Variants in ROBO2 observed in about 807,000 individuals in gnomAD.
ROBO2 encodes the protein roundabout homolog 2.
ROBO2 carries 53 observed loss-of-function variants against 160.8 expected under a neutral mutation model. That is an observed-to-expected ratio of 0.33 (90% CI 0.26 to 0.41). ROBO2 has a LOEUF of 0.41. ROBO2 is among the 10% of genes least tolerant of loss of function. ROBO2 has a pLI of 1.00. For missense variants in ROBO2, 1,577 were observed against 1,722.4 expected (o/e 0.92, Z 1.49); for synonymous variants, 664 against 611.7 (o/e 1.09, Z -1.26).
At chr3:77,251,290 G>A (rs1039805548) in intron 2 of ROBO2, among the ~76,000 whole-genome samples, 1 of 152,122 alleles carries the variant, frequency 6.6e-6, no homozygotes, top group South Asian at 2.1e-4. Flanking sequence ...AAGGTTTTCA[G>A]CTTGTATCTT....
chr3:76,340,085 C>CAAAAAA (rs5850251), intron 2 of ROBO2, among the ~76,000 whole-genome samples: 1 of 144,534 alleles, frequency 6.9e-6, no homozygotes, highest in Non-Finnish European at 1.5e-5. Flanking sequence ...GAACCAATTG[C>CAAAAAA]AAAAAAAAAA....
At chr3:76,086,576 A>G (rs1475029884) in intron 2 of ROBO2, among the ~76,000 whole-genome samples, 3 of 152,140 alleles carry the variant, frequency 2.0e-5, no homozygotes, top group African/African-American at 7.2e-5. Context: ...TGCCTTACCA[A>G]TCTATTAAAG....
At chr3:77,137,522 G>T (rs772656960) in intron 2 of ROBO2, among the ~76,000 whole-genome samples, 50 of 152,196 alleles carry the variant, frequency 3.3e-4, no homozygotes, top group Non-Finnish European at 6.0e-4. Flanking sequence ...CAGGGCCCCC[G>T]GCCGTATATA....
intron 2 of ROBO2, among the ~76,000 whole-genome samples, chr3:76,016,231 A>G (rs368131487): frequency 6.6e-6 from 1 of 151,314 alleles, no homozygotes; most frequent in East Asian, 1.9e-4. Context: ...TTTTTTTTTA[A>G]TGGCACGCAT....
At chr3:75,914,204 T>G (rs1946715532) in intron 1 of ROBO2, among the ~76,000 whole-genome samples, 1 of 152,190 alleles carries the variant, frequency 6.6e-6, no homozygotes. Flanking sequence ...GCTCCCTCAT[T>G]TGTCAAAATG....
chr3:77,029,431 A>G (rs1166128609), intron 2 of ROBO2, among the ~76,000 whole-genome samples: 1 of 152,220 alleles, frequency 6.6e-6, no homozygotes, highest in Non-Finnish European at 1.5e-5. Context: ...TTAAAACAGG[A>G]AAGCTGTAAA....
At chr3:76,583,475 A>T (rs970863553) in intron 2 of ROBO2, among the ~76,000 whole-genome samples, 3 of 152,158 alleles carry the variant, frequency 2.0e-5, no homozygotes, top group Non-Finnish European at 4.4e-5. Flanking sequence ...TACAGTGGCT[A>T]CTTCTTGGGT....
intron 2 of ROBO2, among the ~76,000 whole-genome samples, chr3:76,586,422 T>G (rs182288536): frequency 2.9e-4 from 44 of 152,322 alleles, no homozygotes; most frequent in Non-Finnish European, 6.2e-4. Flanking sequence ...TTTCAGAAAT[T>G]AGTTCTAGTT....
At chr3:77,077,541 G>A (rs2068139197) in intron 1 of ROBO2, among the ~76,000 whole-genome samples, 1 of 152,092 alleles carries the variant, frequency 6.6e-6, no homozygotes, top group Non-Finnish European at 1.5e-5. Flanking sequence ...TGATTGCTGG[G>A]GTGCGTCTTG....
intron 2 of ROBO2, among the ~76,000 whole-genome samples, chr3:76,882,163 G>A (rs112990414): frequency 0.011 from 1,666 of 151,742 alleles, 29 homozygotes; most frequent in African/African-American, 0.037. Context: ...GTGTGTGTGC[G>A]TGGGTGATGT....
intron 2 of ROBO2, among the ~76,000 whole-genome samples, chr3:77,032,209 G>A (rs2063366584): frequency 6.6e-6 from 1 of 152,052 alleles, no homozygotes; most frequent in African/African-American, 2.4e-5. Flanking sequence ...AAGTGACAAT[G>A]AAAAAAATGT....
rs2084718296 is a variant in ROBO2, at chr3:77,214,943, AGATCAGCTGTTAGTCT to A, written c.388+116607_388+116622del. Among the ~76,000 whole-genome samples, 3 of 151,306 alleles carry A rather than the reference AGATCAGCTGTTAGTCT, an allele frequency of 2.0e-5. No homozygotes were observed. In the South Asian group the frequency reaches 6.3e-4, roughly 32 times the overall value. ...TCTGGCTTGTAGAGTGTCTGCCGAG[AGATCAGCTGTTAGTCT>A]GATGGGCTTCCCTTTGTGGGTAACC... On this transcript the variant is annotated intron_variant, in intron 2 of 25. Transcript: ENST00000461745.
chr3:76,285,931 T>A (rs111451952), intron 2 of ROBO2, among the ~76,000 whole-genome samples: 47,565 of 152,024 alleles, frequency 0.31, 8,124 homozygotes, highest in Non-Finnish European at 0.39. Context: ...ATACTCTTTA[T>A]TCTCTTCCTT....
chr3:76,171,193 T>C (rs778330898), intron 2 of ROBO2, among the ~76,000 whole-genome samples: 2 of 152,118 alleles, frequency 1.3e-5, no homozygotes, highest in Admixed American at 6.6e-5. Context: ...ATTTTCACAA[T>C]TTCTGATATA....
At chr3:77,404,034 G>GTTATTTT (rs2076052977) in intron 2 of ROBO2, among the ~76,000 whole-genome samples, 2 of 152,042 alleles carry the variant, frequency 1.3e-5, no homozygotes, top group African/African-American at 4.8e-5. Flanking sequence ...AAATACCATA[G>GTTATTTT]TTATTTTTTA....
At position 77,476,145 on chromosome 3, in the gene ROBO2, G is replaced by A. The variant is rs550492127; in HGVS notation, c.389-1269G>A. Among the ~76,000 whole-genome samples the A allele has an allele frequency of 2.0e-5, 3 of 152,324 alleles. 1 individual carries two copies. The South Asian group carries it at 6.2e-4, about 32-fold the overall frequency. ...GAAGTCACTGAGTTGACTCTCTGGA[G>A]CTCTTTTAAGGACAGGGTTTTTTAT... On this transcript the variant is annotated intron_variant, in intron 2 of 25. Transcript: ENST00000461745.
At chr3:77,634,194 T>C (rs1258999880) in intron 23 of ROBO2, 1 of 152,404 alleles carries the variant, frequency 6.6e-6, no homozygotes, top group Non-Finnish European at 1.5e-5. Flanking sequence ...CAATGAGAAT[T>C]TGGAGCCTGC....
chr3:76,638,331 G>C (rs760562170), intron 2 of ROBO2, among the ~76,000 whole-genome samples: 1 of 152,126 alleles, frequency 6.6e-6, no homozygotes, highest in Non-Finnish European at 1.5e-5. Context: ...TTTTAAACAT[G>C]AATATTTAAA....
intron 2 of ROBO2, among the ~76,000 whole-genome samples, chr3:76,077,880 A>G (rs911522092): frequency 6.6e-6 from 1 of 152,200 alleles, no homozygotes; most frequent in Non-Finnish European, 1.5e-5. Flanking sequence ...ATTCTAAGAC[A>G]AACACTAGTT....
Sources: allele counts gnomAD v4.1 joint callset (sites outside exome capture counted in the v4.1 genomes callset), GRCh38; gene constraint gnomAD v4.1.1; transcripts MANE v1.5; gene names NCBI Gene and HGNC (gene_info 2026-07-23, HGNC 2026-07-21).